Variants in VGLL4 observed in about 807,000 individuals in gnomAD.
The protein encoded by VGLL4 is transcription cofactor vestigial-like protein 4.
Under a neutral mutation model 21.0 loss-of-function variants are expected in VGLL4, and 7 were observed. The ratio of observed to expected loss-of-function variants is 0.33; its 90% confidence interval spans 0.19 to 0.63. VGLL4 has a LOEUF of 0.63. Among genes scored for constraint, VGLL4 ranks in the 20% least tolerant of loss-of-function variants. The pLI is 0.78. For missense variants in VGLL4, 394 were observed against 425.7 expected (o/e 0.93, Z 0.66); for synonymous variants, 222 against 173.2 (o/e 1.28, Z -2.21).
At chr3:11,641,009 C>G (rs983182929) in intron 1 of VGLL4, among the ~76,000 whole-genome samples, 2 of 150,988 alleles carry the variant, frequency 1.3e-5, no homozygotes, top group African/African-American at 4.9e-5. Context: ...CCCAGCTACT[C>G]AGGAGGCTGT....
chr3:11,637,921 T>C (rs1366670452), intron 1 of VGLL4, among the ~76,000 whole-genome samples: 12 of 152,206 alleles, frequency 7.9e-5, no homozygotes, highest in Admixed American at 7.2e-4. Context: ...ACAGTTGCCA[T>C]GAGCTTCAAT....
chr3:11,672,060 A>G (rs2076225854), intron 2 of VGLL4, among the ~76,000 whole-genome samples: 1 of 148,290 alleles, frequency 6.7e-6, no homozygotes, highest in Non-Finnish European at 1.5e-5. Flanking sequence ...TAATTTTTCT[A>G]AATTCACTCA....
At chr3:11,610,576 A>T (rs1255643039) in intron 1 of VGLL4, 1 of 152,206 alleles carries the variant, frequency 6.6e-6, no homozygotes, top group Non-Finnish European at 1.5e-5. Flanking sequence ...AGCCGGCTGG[A>T]CTGGGAAGGG....
chr3:11,583,112 T>A (rs563286129), intron 2 of VGLL4, among the ~76,000 whole-genome samples: 175 of 152,346 alleles, frequency 1.1e-3, no homozygotes, highest in African/African-American at 4.0e-3. Context: ...ACCTGCCCAC[T>A]ACCTGAGTTC....
At chr3:11,666,180 A>C (rs566521849) in intron 2 of VGLL4, among the ~76,000 whole-genome samples, 2 of 148,098 alleles carry the variant, frequency 1.4e-5, no homozygotes, top group Admixed American at 6.9e-5. Flanking sequence ...TGAACCCGGG[A>C]GGCGGAGCTT....
Position 11,591,472 on chromosome 3 carries a change from G to T in VGLL4, c.272+10361C>A, listed in dbSNP as rs2125245345. On this transcript the variant is annotated intron_variant, in intron 2 of 4. Coordinates refer to ENST00000430365, the MANE Select transcript of VGLL4 (RefSeq NM_001128219.3). Reference sequence around the variant, plus strand: ...TGGCCAGAAAAAATGCCAGCAGCAAGATGGGGAACTGCCTTCCCAGCTCTC... The same window carrying T: ...TGGCCAGAAAAAATGCCAGCAGCAATATGGGGAACTGCCTTCCCAGCTCTC... Among the ~76,000 whole-genome samples the T allele has an allele frequency of 1.3e-5, 2 of 152,342 alleles. 1 individual carries two copies. Among genetic ancestry groups the T allele is most frequent in the African/African-American group, 4.8e-5 (2 of 41,578 alleles).
chr3:11,696,917 A>AT (rs2076613717), intron 2 of VGLL4, among the ~76,000 whole-genome samples: 1 of 151,884 alleles, frequency 6.6e-6, no homozygotes. Flanking sequence ...TAATTTTTAA[A>AT]TTTTTTGTAG....
intron 2 of VGLL4, among the ~76,000 whole-genome samples, chr3:11,665,628 T>C (rs1001575930): frequency 6.6e-6 from 1 of 152,196 alleles, no homozygotes; most frequent in African/African-American, 2.4e-5. Context: ...TGACCATGCC[T>C]GAAGGCGCCT....
chr3:11,567,930 G>A (rs1404788054), intron 2 of VGLL4, among the ~76,000 whole-genome samples: 2 of 152,182 alleles, frequency 1.3e-5, no homozygotes, highest in Admixed American at 6.6e-5. Flanking sequence ...GGGGGCTCAT[G>A]TCCCAGATTC....
chr3:11,606,932 G>A (rs781523941), intron 1 of VGLL4, among the ~76,000 whole-genome samples: 10 of 152,104 alleles, frequency 6.6e-5, no homozygotes, highest in African/African-American at 1.4e-4. Flanking sequence ...CACTCACCGC[G>A]AAGGTCCCCA....
At chr3:11,567,695 C>T (rs533296272) in intron 2 of VGLL4, among the ~76,000 whole-genome samples, 2 of 152,348 alleles carry the variant, frequency 1.3e-5, no homozygotes, top group Non-Finnish European at 2.9e-5. Context: ...TTCCGCGGAA[C>T]GGACGTCAGG....
upstream of VGLL4, among the ~76,000 whole-genome samples, chr3:11,646,570 C>A (rs994532397): frequency 6.6e-6 from 1 of 150,676 alleles, no homozygotes; most frequent in Admixed American, 6.6e-5. Flanking sequence ...AAAAAAAAAA[C>A]CCTGCCTTAA....
chr3:11,631,082 G>A (rs558007213), intron 1 of VGLL4, among the ~76,000 whole-genome samples: 4 of 152,188 alleles, frequency 2.6e-5, no homozygotes, highest in African/African-American at 9.7e-5. Flanking sequence ...GAGCATGCAT[G>A]AATCTCAGAA....
chr3:11,626,003 C>T (rs1185104821), intron 1 of VGLL4, among the ~76,000 whole-genome samples: 1 of 152,096 alleles, frequency 6.6e-6, no homozygotes, highest in South Asian at 2.1e-4. Context: ...ATATTAAATA[C>T]CATTAAATTG....
At chr3:11,705,317 C>T (rs979520363) in intron 1 of VGLL4, among the ~76,000 whole-genome samples, 14 of 152,184 alleles carry the variant, frequency 9.2e-5, no homozygotes, top group African/African-American at 3.1e-4. Context: ...GCACTGGCAC[C>T]GGAGCCGCGG....
intron 1 of VGLL4, among the ~76,000 whole-genome samples, chr3:11,720,039 G>T (rs1217864902): frequency 6.6e-6 from 1 of 152,142 alleles, no homozygotes; most frequent in Non-Finnish European, 1.5e-5. Context: ...CCAGGTGCCC[G>T]CCGCGCTCCC....
At chr3:11,566,980 G>C (rs887190622) in intron 2 of VGLL4, among the ~76,000 whole-genome samples, 2 of 152,172 alleles carry the variant, frequency 1.3e-5, no homozygotes, top group African/African-American at 4.8e-5. Context: ...TGGAGAGCTG[G>C]AGGGCTGAGG....
At position 11,682,861 on chromosome 3, in the gene VGLL4, A is replaced by G. The variant is rs562816549; in HGVS notation, c.64+20110T>C. Among the ~76,000 whole-genome samples, 3 of 152,168 alleles carry G rather than the reference A, an allele frequency of 2.0e-5. No individual in the cohort carries two copies. In the South Asian group the frequency reaches 6.3e-4, roughly 32 times the overall value. On this transcript the variant is annotated intron_variant, in intron 2 of 5. Coordinates refer to the VGLL4 transcript ENST00000273038. ...CAATCAAGGTCCTATCCATTCCTAC[A>G]GGCCTAAATTAGCATCTTCTGCATG...
At chr3:11,705,920 CAAA>C (rs11335186) in intron 1 of VGLL4, among the ~76,000 whole-genome samples, 137 of 131,370 alleles carry the variant, frequency 1.0e-3, no homozygotes, top group Admixed American at 1.3e-3. Flanking sequence ...GACTCCGTCT[CAAA>C]AAAAAAAAAA....
Sources: gnomAD v4.1 joint callset for allele counts (sites outside exome capture counted in the v4.1 genomes callset) on GRCh38, gnomAD v4.1.1 for gene constraint, MANE v1.5 for transcripts, NCBI Gene and HGNC (gene_info 2026-07-23, HGNC 2026-07-21) for gene names.